The following MRC1 variants were observed in gnomAD, a reference collection of about 807,000 sequenced individuals.
MRC1 encodes the protein macrophage mannose receptor 1.
MRC1 carries 62 observed loss-of-function variants against 102.9 expected under a neutral mutation model. The ratio of observed to expected loss-of-function variants is 0.60; its 90% CI spans 0.49 to 0.74. The LOEUF is 0.74. MRC1 is among the 30% of genes least tolerant of loss of function. MRC1 has a pLI of 0.00. For missense variants in MRC1, 1,237 were observed against 862.8 expected (o/e 1.43, Z -5.43); for synonymous variants, 457 against 298.4 (o/e 1.53, Z -5.48).
At chr10:17,884,006 G>A (rs1187320615) in intron 21 of MRC1, among the ~76,000 whole-genome samples, 1 of 151,746 alleles carries the variant, frequency 6.6e-6, no homozygotes, top group Non-Finnish European at 1.5e-5. Flanking sequence ...TCCCTCTGTT[G>A]CACAGGCTCA....
chr10:17,843,833 A>G (rs1375463712), intron 5 of MRC1, among the ~76,000 whole-genome samples: 3 of 152,158 alleles, frequency 2.0e-5, no homozygotes, highest in Non-Finnish European at 4.4e-5. Context: ...GGAGCAGGTA[A>G]TATGATTTCC....
chr10:17,908,707 T>C (rs1056073174), intron 28 of MRC1, among the ~76,000 whole-genome samples: 11 of 152,284 alleles, frequency 7.2e-5, no homozygotes, highest in Admixed American at 1.3e-4. Context: ...TAGCTGGGAT[T>C]ACAGGCGCAC....
chr10:17,881,657 T>C (rs1274987904), intron 21 of MRC1, among the ~76,000 whole-genome samples: 2 of 145,740 alleles, frequency 1.4e-5, no homozygotes, highest in African/African-American at 5.1e-5. Context: ...ATATGAACTT[T>C]GAACAAATTT....
At chr10:17,844,107 C>G (rs1838790367) in intron 5 of MRC1, among the ~76,000 whole-genome samples, 1 of 152,176 alleles carries the variant, frequency 6.6e-6, no homozygotes, top group Non-Finnish European at 1.5e-5. Context: ...TAAGGCATAG[C>G]TGCTGAAAGT....
intron 12 of MRC1, 85 bp from the exon 13 acceptor site, chr10:17,870,161 A>G (rs1365637667): frequency 1.4e-6 from 1 of 718,770 alleles, no homozygotes; most frequent in East Asian, 2.5e-5. Flanking sequence ...CTGTAAATGA[A>G]CTCTCATCAA....
chr10:17,904,659 G>T (rs952373155), intron 26 of MRC1, among the ~76,000 whole-genome samples: 4 of 152,214 alleles, frequency 2.6e-5, no homozygotes, highest in Non-Finnish European at 5.9e-5. Context: ...CTGTCTGTGT[G>T]TTGGGATGTG....
chr10:17,837,844 A>T (rs930167391), intron 4 of MRC1, among the ~76,000 whole-genome samples: 1 of 151,932 alleles, frequency 6.6e-6, no homozygotes, highest in South Asian at 2.1e-4. Context: ...CAGCTGATCT[A>T]CCAGCCTCAG....
intron 27 of MRC1, 128 bp downstream of exon 27, chr10:17,907,127 A>T (rs1341397530): frequency 3.5e-5 from 24 of 689,808 alleles, no homozygotes; most frequent in Non-Finnish European, 5.8e-5. Context: ...ATTCAAACTC[A>T]TATTTTTATT....
intron 5 of MRC1, among the ~76,000 whole-genome samples, chr10:17,842,570 C>T (rs1026143202): frequency 2.6e-5 from 4 of 152,130 alleles, no homozygotes; most frequent in South Asian, 2.1e-4. Flanking sequence ...CTTTTTTGTG[C>T]GTGAAAATTT....
At chr10:17,841,997 C>G (rs1400465727) in intron 5 of MRC1, among the ~76,000 whole-genome samples, 2 of 152,194 alleles carry the variant, frequency 1.3e-5, no homozygotes, top group Non-Finnish European at 1.5e-5. Flanking sequence ...GGGTCTCACT[C>G]TGTTGCCCAG....
At chr10:17,834,132 G>A (rs912291260) in intron 4 of MRC1, among the ~76,000 whole-genome samples, 6 of 152,136 alleles carry the variant, frequency 3.9e-5, no homozygotes, top group South Asian at 2.1e-4. Context: ...TAATGATGTC[G>A]TTCTTGGACG....
rs1833564647 is a variant in MRC1, at chr10:17,884,623, A to G, written c.2981-646A>G. On this transcript the variant is annotated intron_variant, in intron 21 of 29. Coordinates refer to ENST00000569591, the MANE Select transcript of MRC1 (RefSeq NM_002438.4). ...GAGAAGTGCAAAGCAAAGCATTAAA[A>G]GATAAAACCATCAGCTCTTGTAAGA... Among the ~76,000 whole-genome samples, 7 of 152,350 alleles carry G rather than the reference A, an allele frequency of 4.6e-5. No homozygotes were observed. The South Asian group carries it at 1.4e-3, about 32-fold the overall frequency.
chr10:17,862,041 A>G (rs1833192032), intron 10 of MRC1, among the ~76,000 whole-genome samples: 1 of 152,166 alleles, frequency 6.6e-6, no homozygotes, highest in Non-Finnish European at 1.5e-5. Context: ...TTATTCGTTT[A>G]CTTTTCACCT....
chr10:17,908,259 T>G (rs1477379919), intron 28 of MRC1, among the ~76,000 whole-genome samples: 1 of 152,146 alleles, frequency 6.6e-6, no homozygotes, highest in African/African-American at 2.4e-5. Flanking sequence ...CATTACTGAT[T>G]AGATAATAGA....
intron 12 of MRC1, 112 bp downstream of exon 12, chr10:17,866,873 C>G (rs1303456331): frequency 1.4e-5 from 10 of 737,178 alleles, no homozygotes; most frequent in Admixed American, 5.7e-5. Flanking sequence ...CCAGACTCTA[C>G]CATAGGTATT....
chr10:17,823,236 T>C lies in MRC1; in HGVS notation c.224T>C (p.Leu75Pro). Residue 75 changes from leucine to proline, a missense_variant, in exon 2 of 30, where the codon CTG (leucine) becomes CCG (proline). Coordinates refer to ENST00000569591, the MANE Select transcript of MRC1 (RefSeq NM_002438.4). ...QIMSVAFKLCLGVPSKTDWVA... is the reference protein window; with the variant it reads ...QIMSVAFKLCPGVPSKTDWVA... ...ATGAGTGTTGCATTTAAATTATGCC[T>C]GGGAGTGCCATCAAAAACGGACTGG... is the stretch of plus-strand genomic sequence containing the variant. The C allele has an allele frequency of 1.3e-6, 1 of 780,598 alleles. No homozygotes were observed. Among genetic ancestry groups the C allele is most frequent in the East Asian group, 2.4e-5 (1 of 41,240 alleles). 48.4% of individuals were successfully genotyped at this position (780,598 alleles called of 1,614,324 possible). A position where few individuals can be genotyped will look rare whatever the true frequency, so the allele number is the denominator to read the frequency against.
At chr10:17,826,659 T>G (rs1838480558) in intron 2 of MRC1, among the ~76,000 whole-genome samples, 1 of 152,212 alleles carries the variant, frequency 6.6e-6, no homozygotes. Context: ...CTATGTGCAT[T>G]GTTTGGTTCT....
At chr10:17,891,171 ATTTATT>A (rs1833668430) in intron 22 of MRC1, among the ~76,000 whole-genome samples, 1 of 144,668 alleles carries the variant, frequency 6.9e-6, no homozygotes, top group South Asian at 2.3e-4. Context: ...TTATTTATTT[ATTTATT>A]TATTTTTGAG....
At chr10:17,904,751 G>A (rs1833873773) in intron 26 of MRC1, among the ~76,000 whole-genome samples, 1 of 152,168 alleles carries the variant, frequency 6.6e-6, no homozygotes, top group South Asian at 2.1e-4. Context: ...CCAGATGCAA[G>A]AACTTAGGAC....
Sources: allele counts gnomAD v4.1 joint callset (sites outside exome capture counted in the v4.1 genomes callset), GRCh38; gene constraint gnomAD v4.1.1; transcripts MANE v1.5; gene names NCBI Gene and HGNC (gene_info 2026-07-23, HGNC 2026-07-21).